Variants in CDC20B observed in about 807,000 individuals in gnomAD.
CDC20B encodes the protein cell division cycle protein 20 homolog B.
CDC20B carries 58 observed loss-of-function variants against 64.1 expected under a neutral mutation model. That is an observed-to-expected ratio of 0.90 (90% CI 0.73 to 1.13). CDC20B has a LOEUF of 1.13. Ranked by LOEUF, CDC20B falls within the 50% of genes most tolerant of loss-of-function variation. The probability of loss-of-function intolerance (pLI) is 0.00; values close to 1 mark genes in which losing one functional copy is unlikely to be tolerated. For synonymous variants in CDC20B, 243 were observed against 230.6 expected, an observed-to-expected ratio of 1.05 and a Z score of -0.49; for missense variants, 597 against 633.0, an observed-to-expected ratio of 0.94 and a Z score of 0.61.
intron 3 of CDC20B, among the ~76,000 whole-genome samples, 183 bp downstream of exon 3, chr5:55,146,445 A>G (rs1292538555): frequency 6.6e-6 from 1 of 152,244 alleles, no homozygotes; most frequent in Non-Finnish European, 1.5e-5. Flanking sequence ...AAACACATAC[A>G]GTACCTTTCC....
chr5:55,166,104 C>T (rs937416869), intron 2 of CDC20B: 5 of 152,252 alleles, frequency 3.3e-5, no homozygotes, highest in African/African-American at 1.2e-4. Flanking sequence ...CCTACGCCTT[C>T]CATGAACTCA....
At chr5:55,159,506 G>T (rs1443165734) in intron 2 of CDC20B, among the ~76,000 whole-genome samples, 1 of 152,170 alleles carries the variant, frequency 6.6e-6, no homozygotes, top group Non-Finnish European at 1.5e-5. Context: ...TGGGGGTCAT[G>T]AGTAGAAATT....
chr5:55,172,376 G>A (rs939930619), intron 2 of CDC20B: 9 of 515,002 alleles, frequency 1.7e-5, no homozygotes, highest in Non-Finnish European at 2.8e-5. Context: ...TGTGGAGGCA[G>A]AAACTAGAAA....
intron 6 of CDC20B, among the ~76,000 whole-genome samples, chr5:55,131,882 T>C (rs1743040461): frequency 6.6e-6 from 1 of 152,080 alleles, no homozygotes; most frequent in Admixed American, 6.5e-5. Context: ...CTGGCCAATA[T>C]GGTGAAACTC....
At chr5:55,169,389 C>CT (rs1328706253) in intron 2 of CDC20B, among the ~76,000 whole-genome samples, 1 of 152,226 alleles carries the variant, frequency 6.6e-6, no homozygotes, top group Non-Finnish European at 1.5e-5. Context: ...GCTTAACTAA[C>CT]TGATGGCACC....
chr5:55,120,206 G>T (rs1458291471), intron 10 of CDC20B, among the ~76,000 whole-genome samples: 1 of 152,054 alleles, frequency 6.6e-6, no homozygotes, highest in African/African-American at 2.4e-5. Flanking sequence ...CAGTGATGGG[G>T]AAAGAAAGGA....
At chr5:55,170,039 G>A (rs913114681) in intron 2 of CDC20B, among the ~76,000 whole-genome samples, 4 of 152,056 alleles carry the variant, frequency 2.6e-5, no homozygotes, top group African/African-American at 9.7e-5. Flanking sequence ...GCGTGAACCC[G>A]GGAGGCGGAG....
chr5:55,140,453 A>T, intron 4 of CDC20B, 46 bp from the exon 5 acceptor site: 1 of 1,276,020 alleles, frequency 7.8e-7, no homozygotes, highest in Non-Finnish European at 1.1e-6. Flanking sequence ...AAAAACATAC[A>T]TGTACAACTA....
intron 2 of CDC20B, among the ~76,000 whole-genome samples, chr5:55,155,885 G>A (rs988354919): frequency 6.6e-6 from 1 of 152,160 alleles, no homozygotes; most frequent in Admixed American, 6.5e-5. Flanking sequence ...TTTTGGTGGT[G>A]TTCTCCATGC....
intron 2 of CDC20B, chr5:55,164,157 T>C (rs770293059): frequency 2.5e-6 from 4 of 1,602,524 alleles, no homozygotes; most frequent in South Asian, 2.2e-5. Flanking sequence ...ATTGAAGTCA[T>C]CAGGCCTGAC....
chr5:55,145,524 T>C (rs964939499), intron 3 of CDC20B, among the ~76,000 whole-genome samples: 2 of 152,338 alleles, frequency 1.3e-5, no homozygotes, highest in Middle Eastern at 3.4e-3. Flanking sequence ...AATGAAAATG[T>C]CTGTGCCCAA....
Position 55,114,613 on chromosome 5 carries a change from T to C in CDC20B, c.1460-295A>G, listed in dbSNP as rs552416303. The stretch of plus-strand genomic sequence containing the variant: ...CAACAGAAATTGATTCTCACAGTTC[T>C]GGAGATGGGAAGTCTGAAATCATGG... On this transcript the variant is annotated intron_variant, in intron 11 of 11. Transcript: ENST00000381375. This position sits in a 1 kb window ranked among gnomAD's most constrained non-coding sequence, Gnocchi z 4.1. Among the ~76,000 whole-genome samples, 1 of 152,192 alleles carries C rather than the reference T, an allele frequency of 6.6e-6. No individual in the cohort carries two copies. The highest frequency in any genetic ancestry group is 1.5e-5 in the Non-Finnish European group (1 of 68,034).
chr5:55,159,214 G>A (rs181594785), intron 2 of CDC20B, among the ~76,000 whole-genome samples: 2,305 of 152,160 alleles, frequency 0.015, 19 homozygotes, highest in Middle Eastern at 0.027. Flanking sequence ...CAGGGGTATC[G>A]CTTTCTTGCC....
rs1224102468 is a variant in CDC20B at position 55,168,065 on chromosome 5, A to G, written c.126+4523T>C. ...GAGCTGATATGAGGACACTCTATCCATATTTAGTCCTCTGCTTGATTTTAT... is the reference window on the plus strand; with the variant it reads ...GAGCTGATATGAGGACACTCTATCCGTATTTAGTCCTCTGCTTGATTTTAT... On this transcript the variant is annotated intron_variant, in intron 2 of 11. Transcript: ENST00000381375. Among the ~76,000 whole-genome samples the G allele has an allele frequency of 2.0e-5, 3 of 151,968 alleles. No individual in the cohort carries two copies. In the East Asian group the frequency reaches 5.8e-4, roughly 30 times the overall value.
At chr5:55,116,584 G>A (rs1160302087) in intron 11 of CDC20B, among the ~76,000 whole-genome samples, 2 of 152,194 alleles carry the variant, frequency 1.3e-5, no homozygotes, top group African/African-American at 4.8e-5. Flanking sequence ...AAATAGCTGG[G>A]ACTATAGAGT....
intron 2 of CDC20B, among the ~76,000 whole-genome samples, chr5:55,147,077 T>G (rs1284551080): frequency 6.8e-6 from 1 of 146,498 alleles, no homozygotes; most frequent in African/African-American, 2.5e-5. Context: ...TTACATATTA[T>G]ATAAACATAA....
chr5:55,172,982 G>GCTCCAGTTTCCA lies in CDC20B; in HGVS notation c.7_18dup (p.Trp3_Glu6dup), dbSNP rs1744675658. On this transcript the variant is annotated inframe_insertion, in exon 1 of 12. Transcript: ENST00000381375. ...GTGCGGACCCTCCGAGGCGCGGTGC[G>GCTCCAGTTTCCA]CTCCAGTTTCCACTCCATCTCCGGC... The GCTCCAGTTTCCA allele has an allele frequency of 6.2e-7, 1 of 1,611,706 alleles. No individual in the cohort carries two copies. The highest frequency in any genetic ancestry group is 8.5e-7 in the Non-Finnish European group (1 of 1,179,222).
chr5:55,124,556 A>T (rs943198662), intron 9 of CDC20B, among the ~76,000 whole-genome samples: 2 of 152,210 alleles, frequency 1.3e-5, no homozygotes, highest in African/African-American at 4.8e-5. Context: ...GTTACATGAA[A>T]AAAATAGATT....
intron 2 of CDC20B, among the ~76,000 whole-genome samples, chr5:55,152,147 G>A (rs1357484739): frequency 6.6e-6 from 1 of 152,244 alleles, no homozygotes; most frequent in Admixed American, 6.5e-5. Context: ...AAGAGGCAAG[G>A]AATGGATTCT....
Sources: gnomAD v4.1 joint callset for allele counts (sites outside exome capture counted in the v4.1 genomes callset) on GRCh38, gnomAD v4.1.1 for gene constraint, Gnocchi (gnomAD v3.1) non-coding constraint, MANE v1.5 for transcripts, NCBI Gene and HGNC (gene_info 2026-07-23, HGNC 2026-07-21) for gene names.